WNT4: variants seen among roughly 807,000 people sequenced by gnomAD.
WNT4 encodes protein Wnt-4.
A neutral mutation model predicts 34.5 loss-of-function variants in WNT4; 16 were observed. The ratio of observed to expected loss-of-function variants is 0.46; its 90% confidence interval spans 0.31 to 0.70. The LOEUF (loss-of-function observed/expected upper bound fraction) is 0.70. Ranked by LOEUF, WNT4 falls within the 30% of genes least tolerant of loss-of-function variation. WNT4 has a pLI of 0.04. For missense variants in WNT4, 379 were observed against 495.9 expected (o/e 0.76, Z 2.24); for synonymous variants, 200 against 211.9 (o/e 0.94, Z 0.49).
At chr1:22,129,084 G>A (rs1328862858) in intron 2 of WNT4, among the ~76,000 whole-genome samples, 1 of 152,196 alleles carries the variant, frequency 6.6e-6, no homozygotes, top group Non-Finnish European at 1.5e-5. Context: ...GCCTGTTTCT[G>A]TGCATCCCTG....
chr1:22,121,430 ACCT>A lies in WNT4; in HGVS notation c.445+12_445+14del. The A allele has an allele frequency of 6.2e-7, 1 of 1,613,704 alleles. No individual in the cohort carries two copies. The highest frequency in any genetic ancestry group is 8.5e-7 in the Non-Finnish European group (1 of 1,179,966). ...AGCCCCCTGCCCTCCCACTCTGACC[ACCT>A]CCTGCACCTACCCTGTGGGCTGACC... is the stretch of plus-strand genomic sequence containing the variant. On this transcript the variant is annotated intron_variant, in intron 3 of 4. Coordinates refer to ENST00000290167, the MANE Select transcript of WNT4 (RefSeq NM_030761.5).
At position 22,121,433 on chromosome 1, in the gene WNT4, T is replaced by A; in HGVS notation, c.445+12A>T. The A allele has an allele frequency of 3.1e-6, 5 of 1,613,912 alleles. No homozygotes were observed. The highest frequency in any genetic ancestry group is 3.4e-6 in the Non-Finnish European group (4 of 1,180,002). ...CCCCTGCCCTCCCACTCTGACCACC[T>A]CCTGCACCTACCCTGTGGGCTGACC... On this transcript the variant is annotated intron_variant, in intron 3 of 4. Transcript: ENST00000290167.
chr1:22,137,821 G>C lies in WNT4; in HGVS notation c.77+5025C>G, dbSNP rs907403450. ...GCAGTGAGGGGCAGAGCAGCAGATC[G>C]GGGGGGCAACAGACACACTTCCTGC... is the stretch of plus-strand genomic sequence containing the variant. On this transcript the variant is annotated intron_variant, in intron 1 of 4. Transcript: ENST00000290167. The surrounding 1 kb of genome is among the most constrained non-coding windows in gnomAD (Gnocchi z 5.3). Among the ~76,000 whole-genome samples the C allele has an allele frequency of 1.3e-5, 2 of 152,046 alleles. No individual in the cohort carries two copies. Among genetic ancestry groups the C allele is most frequent in the Admixed American group, 6.6e-5 (1 of 15,266 alleles).
At position 22,126,663 on chromosome 1, in the gene WNT4, G is replaced by T. The variant is rs550438687; in HGVS notation, c.313+2953C>A. Reference sequence around the variant, plus strand: ...CTTCCATGTCTGACGCCACAACCCAGCCAGGCCGCTCATGTATGCAGGCTC... The same window carrying T: ...CTTCCATGTCTGACGCCACAACCCATCCAGGCCGCTCATGTATGCAGGCTC... On this transcript the variant is annotated intron_variant, in intron 2 of 4. Coordinates refer to ENST00000290167, the MANE Select transcript of WNT4 (RefSeq NM_030761.5). Among the ~76,000 whole-genome samples, 99 of 152,320 alleles carry T rather than the reference G, an allele frequency of 6.5e-4. 1 individual carries two copies. Among genetic ancestry groups the T allele is most frequent in the Non-Finnish European group, 1.8e-4 (12 of 68,024 alleles).
rs1646044479 is a variant in WNT4 at position 22,139,023 on chromosome 1, T to A, written c.77+3823A>T. Reference sequence around the variant, plus strand: ...CAGCAACTCCTCTGCCTGGCAAGATTGGCTTGTGAGCCAGGCTAGGTCTTC... The same window carrying A: ...CAGCAACTCCTCTGCCTGGCAAGATAGGCTTGTGAGCCAGGCTAGGTCTTC... On this transcript the variant is annotated intron_variant, in intron 1 of 4. Transcript: ENST00000290167. This position sits in a 1 kb window ranked among gnomAD's most constrained non-coding sequence, Gnocchi z 4.6. Among the ~76,000 whole-genome samples the A allele has an allele frequency of 6.6e-6, 1 of 152,208 alleles. No individual in the cohort carries two copies. The highest frequency in any genetic ancestry group is 2.4e-5 in the African/African-American group (1 of 41,446).
At position 22,142,706 on chromosome 1, in the gene WNT4, A is replaced by C; in HGVS notation, c.77+140T>G. 1 of 503,420 alleles carries C rather than the reference A, an allele frequency of 2.0e-6. No individual in the cohort carries two copies. The highest frequency in any genetic ancestry group is 2.6e-6 in the Non-Finnish European group (1 of 390,276). The allele number at this position is 503,420 out of a possible 1,614,324, so 31.2% of individuals were successfully genotyped here. A position where few individuals can be genotyped will look rare whatever the true frequency, so the allele number is the denominator to read the frequency against. On this transcript the variant is annotated intron_variant, in intron 1 of 4. Coordinates refer to ENST00000290167, the MANE Select transcript of WNT4 (RefSeq NM_030761.5). This position sits in a 1 kb window ranked among gnomAD's most constrained non-coding sequence, Gnocchi z 6.0. Reference sequence around the variant, plus strand: ...GTTCGGGCCGTGGCGGCGGCAGCGGAGCGAGCGAGCCTCCGGTCCCGCGGC... The same window carrying C: ...GTTCGGGCCGTGGCGGCGGCAGCGGCGCGAGCGAGCCTCCGGTCCCGCGGC...
Position 22,139,224 on chromosome 1 carries a change from G to A in WNT4, c.77+3622C>T, listed in dbSNP as rs909323489. On this transcript the variant is annotated intron_variant, in intron 1 of 4. Coordinates refer to ENST00000290167, the MANE Select transcript of WNT4 (RefSeq NM_030761.5). The surrounding 1 kb of genome is among the most constrained non-coding windows in gnomAD (Gnocchi z 4.6). Reference sequence around the variant, plus strand: ...CCCCTATCAATAGGGACGCAGCCCTGCAGCTCCCTGACAGCAGCCCTTGCT... The same window carrying A: ...CCCCTATCAATAGGGACGCAGCCCTACAGCTCCCTGACAGCAGCCCTTGCT... 3.3e-5 allele frequency among the ~76,000 whole-genome samples: 5 copies of A among 152,186 alleles called. No individual in the cohort carries two copies. The highest frequency in any genetic ancestry group is 1.2e-4 in the African/African-American group (5 of 41,444).
At chr1:22,122,187 C>T (rs994573588) in intron 2 of WNT4, among the ~76,000 whole-genome samples, 4 of 152,112 alleles carry the variant, frequency 2.6e-5, no homozygotes, top group Admixed American at 1.3e-4. Context: ...TAGAGTAAAC[C>T]GTAATAACAA....
At position 22,121,263 on chromosome 1, in the gene WNT4, G is replaced by A; in HGVS notation, c.536C>T (p.Ala179Val). The A allele has an allele frequency of 6.2e-7, 1 of 1,614,078 alleles. No individual in the cohort carries two copies. The highest frequency in any genetic ancestry group is 1.1e-5 in the South Asian group (1 of 91,082). Residue 179 changes from alanine to valine, a missense_variant, in exon 4 of 5, where the codon GCC becomes GTC. Ala to Val is a moderately conservative substitution (Grantham distance 64). Coordinates refer to ENST00000290167, the MANE Select transcript of WNT4 (RefSeq NM_030761.5). ...FVDVRERSKG[A>V]SSSRALMNLH... ...GTTCATGAGGGCTCTGCTGGACGAG[G>A]CCCCCTTGCTTCTCTCCCGCACATC...
At chr1:22,133,101 C>T (rs1645996374) in intron 1 of WNT4, among the ~76,000 whole-genome samples, 6 of 152,114 alleles carry the variant, frequency 3.9e-5, no homozygotes, top group Admixed American at 3.9e-4. Context: ...CAGTGCAAAC[C>T]CAGCCCTAAC....
At position 22,137,997 on chromosome 1, in the gene WNT4, C is replaced by T. The variant is rs1352308376; in HGVS notation, c.77+4849G>A. The stretch of plus-strand genomic sequence containing the variant: ...CACCTTTCATTCATCCATCAAAGAT[C>T]GGCTGAGCACCTAGTACCTGACAGG... On this transcript the variant is annotated intron_variant, in intron 1 of 4. Transcript: ENST00000290167. This position sits in a 1 kb window ranked among gnomAD's most constrained non-coding sequence, Gnocchi z 5.3. Among the ~76,000 whole-genome samples, 1 of 152,202 alleles carries T rather than the reference C, an allele frequency of 6.6e-6. No individual in the cohort carries two copies. Among genetic ancestry groups the T allele is most frequent in the Non-Finnish European group, 1.5e-5 (1 of 68,036 alleles).
At chr1:22,130,171 C>T (rs779470590) in intron 1 of WNT4, among the ~76,000 whole-genome samples, 1 of 152,218 alleles carries the variant, frequency 6.6e-6, no homozygotes, top group African/African-American at 2.4e-5. Context: ...TGTGCCAGGA[C>T]GTCACCCCAG....
chr1:22,132,618 C>A (rs1423589812), intron 1 of WNT4, among the ~76,000 whole-genome samples: 1 of 152,164 alleles, frequency 6.6e-6, no homozygotes, highest in Non-Finnish European at 1.5e-5. Context: ...AGGGGAGCCA[C>A]CTGCATCCCC....
In WNT4 at chr1:22,143,031, C is replaced by A. The variant is rs1646085330; in HGVS notation, c.-109G>T. 1.2e-5 allele frequency: 5 copies of A among 412,910 alleles called. No individual in the cohort carries two copies. The South Asian group carries it at 4.8e-4, about 40-fold the overall frequency. The allele number at this position is 412,910 out of a possible 1,614,324, so 25.6% of individuals were successfully genotyped here. ...GCGGGCCGGGGCGCGCGCGGCGGGG[C>A]TCTGCCTCCGTGTGCCTGCCGGCAG... On this transcript the variant is annotated 5_prime_UTR_variant, in exon 1 of 5. Transcript: ENST00000290167.
rs943441272 is a variant in WNT4, at chr1:22,134,823, A to AT, written c.78-4973dup. Among the ~76,000 whole-genome samples the AT allele has an allele frequency of 2.7e-4, 41 of 151,970 alleles. No individual in the cohort carries two copies. Among genetic ancestry groups the AT allele is most frequent in the Non-Finnish European group, 1.5e-5 (1 of 67,970 alleles). On this transcript the variant is annotated intron_variant, in intron 1 of 4. Transcript: ENST00000290167. The surrounding 1 kb of genome is among the most constrained non-coding windows in gnomAD (Gnocchi z 4.1). ...CTCTGCTGCACCCCAGACCAGACCCATGCTGACTTCTGCTCATTTGTGTGT... is the reference window on the plus strand; with the variant it reads ...CTCTGCTGCACCCCAGACCAGACCCATTGCTGACTTCTGCTCATTTGTGTGT...
In WNT4 at chr1:22,120,197, G is replaced by A. The variant is rs112452625; in HGVS notation, c.909C>T (p.Ile303=). 4.5e-4 allele frequency: 731 copies of A among 1,613,870 alleles called. 2 individuals are homozygous for A. In the African/African-American group the frequency reaches 7.2e-3, roughly 16 times the overall value. ...GRTCNKTSKA[I]DGCELLCCGR... Reference sequence around the variant, plus strand: ...CACAGCACAGCAGCTCACAGCCGTCGATGGCCTTGGACGTCTTGTTGCATG... The same window carrying A: ...CACAGCACAGCAGCTCACAGCCGTCAATGGCCTTGGACGTCTTGTTGCATG... Residue 303 remains isoleucine, a synonymous_variant, in exon 5 of 5, where the codon ATC becomes ATT. Transcript: ENST00000290167.
Position 22,129,223 on chromosome 1 carries a change from T to G in WNT4, c.313+393A>C, listed in dbSNP as rs1645963463. ...AGCAGCGGGCCAGGGGTCCAGAGCC[T>G]CGGGTCTGAGCCCTGACTGCTTCTC... On this transcript the variant is annotated intron_variant, in intron 2 of 4. Coordinates refer to ENST00000290167, the MANE Select transcript of WNT4 (RefSeq NM_030761.5). Among the ~76,000 whole-genome samples, 5 of 152,252 alleles carry G rather than the reference T, an allele frequency of 3.3e-5. No individual in the cohort carries two copies. In the South Asian group the frequency reaches 1.0e-3, roughly 32 times the overall value.
rs78716180 is a variant in WNT4 at position 22,117,547 on chromosome 1, A to T, written c.*2503T>A. ...CCAATTTCCAGGCCACGGTGAGGCC[A>T]AGAGGGGGTGGGCTATGTAAGGGCT... On this transcript the variant is annotated 3_prime_UTR_variant, in exon 5 of 5. Coordinates refer to ENST00000290167, the MANE Select transcript of WNT4 (RefSeq NM_030761.5). 1,366 of 152,444 alleles carry T rather than the reference A, an allele frequency of 9.0e-3. 8 individuals are homozygous for T. The highest frequency in any genetic ancestry group is 0.013 in the Non-Finnish European group (883 of 68,162). The allele number at this position is 152,444 out of a possible 1,614,324, so 9.4% of individuals were successfully genotyped here. A position where few individuals can be genotyped will look rare whatever the true frequency, so the allele number is the denominator to read the frequency against.
Position 22,119,860 on chromosome 1 carries a change from T to TG in WNT4, c.*189dup. 1 of 692,628 alleles carries TG rather than the reference T, an allele frequency of 1.4e-6. No homozygotes were observed. The highest frequency in any genetic ancestry group is 1.9e-5 in the South Asian group (1 of 53,036). 42.9% of individuals were successfully genotyped at this position (692,628 alleles called of 1,614,324 possible). A position where few individuals can be genotyped will look rare whatever the true frequency, so the allele number is the denominator to read the frequency against. The stretch of plus-strand genomic sequence containing the variant: ...GTGGCAGCCACAAAGGCCCAGGCTT[T>TG]GGGGAGGCCCTGGTTGGTGCCCTTG... On this transcript the variant is annotated 3_prime_UTR_variant, in exon 5 of 5. Transcript: ENST00000290167.
Sources: allele counts gnomAD v4.1 joint callset (sites outside exome capture counted in the v4.1 genomes callset), GRCh38; gene constraint gnomAD v4.1.1; non-coding constraint Gnocchi (gnomAD v3.1); transcripts MANE v1.5; gene names NCBI Gene and HGNC (gene_info 2026-07-23, HGNC 2026-07-21).